Variants in PRRG4 observed in about 807,000 individuals in gnomAD.
PRRG4 encodes the protein transmembrane gamma-carboxyglutamic acid protein 4.
PRRG4 carries 12 observed loss-of-function variants against 20.0 expected under a neutral mutation model. The observed-to-expected ratio is 0.60, with a 90% CI of 0.38 to 0.97. The LOEUF is 0.97. Among genes scored for constraint, PRRG4 ranks in the 50% least tolerant of loss-of-function variants. The probability of loss-of-function intolerance (pLI) is 0.00; values close to 1 mark genes in which losing one functional copy is unlikely to be tolerated. For synonymous variants in PRRG4, 94 were observed against 96.4 expected, an observed-to-expected ratio of 0.98 and a Z score of 0.15; for missense variants, 199 against 265.1, an observed-to-expected ratio of 0.75 and a Z score of 1.73.
chr11:32,848,201 A>G (rs975515403), intron 5 of PRRG4, among the ~76,000 whole-genome samples: 3 of 152,166 alleles, frequency 2.0e-5, no homozygotes, highest in Admixed American at 1.3e-4. Flanking sequence ...GGGGAGGAAC[A>G]TTATTCCTCA....
At chr11:32,839,628 C>G (rs1851056275) in intron 4 of PRRG4, among the ~76,000 whole-genome samples, 1 of 144,772 alleles carries the variant, frequency 6.9e-6, no homozygotes, top group African/African-American at 2.5e-5. Flanking sequence ...ATTTAAATAA[C>G]AAAATATTTT....
intron 5 of PRRG4, among the ~76,000 whole-genome samples, chr11:32,841,063 A>G (rs1464526048): frequency 2.1e-5 from 3 of 144,606 alleles, no homozygotes; most frequent in South Asian, 4.3e-4. Context: ...CGTAGAAACA[A>G]TCTTATTAAA....
rs1850946836 is a variant in PRRG4 at position 32,829,979 on chromosome 11, C to T, written c.-217C>T. 6 of 984,666 alleles carry T rather than the reference C, an allele frequency of 6.1e-6. No individual in the cohort carries two copies. The highest frequency in any genetic ancestry group is 7.2e-6 in the Non-Finnish European group (6 of 829,536). The allele number at this position is 984,666 out of a possible 1,614,324, so 61.0% of individuals were successfully genotyped here. The stretch of plus-strand genomic sequence containing the variant: ...GCAGGACCTCACCCCGCGCGTGTTC[C>T]CCGGGCGCCCCTCTGCGAACCCCAG... On this transcript the variant is annotated 5_prime_UTR_variant, in exon 1 of 6. Coordinates refer to ENST00000257836, the MANE Select transcript of PRRG4 (RefSeq NM_024081.6).
Position 32,840,014 on chromosome 11 carries a change from A to C in PRRG4, c.317-93A>C, listed in dbSNP as rs983285100. 5.5e-6 allele frequency: 5 copies of C among 913,240 alleles called. No individual in the cohort carries two copies. In the East Asian group the frequency reaches 1.3e-4, roughly 23 times the overall value. The allele number at this position is 913,240 out of a possible 1,614,324, so 56.6% of individuals were successfully genotyped here. A position where few individuals can be genotyped will look rare whatever the true frequency, so the allele number is the denominator to read the frequency against. The stretch of plus-strand genomic sequence containing the variant: ...GTCAACATCAATGATTAGATGCTGT[A>C]TAATGTGTTTAGAACCAGGATTAAA... On this transcript the variant is annotated intron_variant, in intron 4 of 5. Coordinates refer to ENST00000257836, the MANE Select transcript of PRRG4 (RefSeq NM_024081.6). The surrounding 1 kb of genome is among the most constrained non-coding windows in gnomAD (Gnocchi z 4.1).
chr11:32,839,706 T>A (rs927266807), intron 4 of PRRG4, among the ~76,000 whole-genome samples: 1 of 144,894 alleles, frequency 6.9e-6, no homozygotes, highest in Non-Finnish European at 1.5e-5. Context: ...ATTTTGAATA[T>A]TATTAAAATA....
intron 2 of PRRG4, among the ~76,000 whole-genome samples, chr11:32,833,879 G>C (rs1279228137): frequency 2.0e-5 from 3 of 151,654 alleles, no homozygotes; most frequent in Non-Finnish European, 2.9e-5. Context: ...GCAGAGTGTG[G>C]ACAGGGAGTG....
chr11:32,838,802 C>T, intron 3 of PRRG4, 80 bp from the exon 4 acceptor site: 2 of 1,010,234 alleles, frequency 2.0e-6, no homozygotes, highest in East Asian at 4.8e-5. Context: ...GTTTACTACC[C>T]CTAGTCTAGG....
At position 32,847,663 on chromosome 11, in the gene PRRG4, T is replaced by C. The variant is rs374471162; in HGVS notation, c.450-5633T>C. Among the ~76,000 whole-genome samples the C allele has an allele frequency of 2.6e-5, 4 of 152,258 alleles. No individual in the cohort carries two copies. The South Asian group carries it at 6.2e-4, about 24-fold the overall frequency. ...ACTTCTAGATTTGTATCCAAAAGCA[T>C]TGAAAACAGGAACTCAAACAGATAC... On this transcript the variant is annotated intron_variant, in intron 5 of 5. Coordinates refer to ENST00000257836, the MANE Select transcript of PRRG4 (RefSeq NM_024081.6).
intron 5 of PRRG4, among the ~76,000 whole-genome samples, chr11:32,852,897 C>T (rs1025112935): frequency 6.6e-6 from 1 of 151,204 alleles, no homozygotes; most frequent in Admixed American, 6.6e-5. Context: ...CTTAGCCTCC[C>T]GAGTAGCTGA....
At position 32,837,522 on chromosome 11, in the gene PRRG4, TGATG is replaced by T. The variant is rs1565113746; in HGVS notation, c.267+702_267+705del. 5.0e-4 allele frequency among the ~76,000 whole-genome samples: 54 copies of T among 108,626 alleles called. 2 individuals carry two copies. Among genetic ancestry groups the T allele is most frequent in the African/African-American group, 1.9e-3 (52 of 27,706 alleles). 71.3% of individuals were successfully genotyped at this position (108,626 alleles called of 152,430 possible). On this transcript the variant is annotated intron_variant, in intron 3 of 5. Transcript: ENST00000257836. ...TAACTAACTGAGATGATGATGATGATGATGATGATGATGATGATGATTATTATTA... is the reference window on the plus strand; with the variant it reads ...TAACTAACTGAGATGATGATGATGATATGATGATGATGATGATTATTATTA...
intron 5 of PRRG4, among the ~76,000 whole-genome samples, chr11:32,852,391 G>A (rs1851190669): frequency 6.6e-6 from 1 of 152,194 alleles, no homozygotes; most frequent in Non-Finnish European, 1.5e-5. Context: ...GTACTGCTTA[G>A]GAAGGATTGG....
chr11:32,844,015 G>A (rs1438767549), intron 5 of PRRG4, among the ~76,000 whole-genome samples: 2 of 152,136 alleles, frequency 1.3e-5, no homozygotes, highest in Non-Finnish European at 2.9e-5. Flanking sequence ...AATATAGTAA[G>A]ATGTGATTCC....
chr11:32,849,525 G>A (rs1253995095), intron 5 of PRRG4, among the ~76,000 whole-genome samples: 4 of 151,526 alleles, frequency 2.6e-5, no homozygotes, highest in South Asian at 2.1e-4. Context: ...TTAGCCAGGC[G>A]TGGTGGTGCG....
intron 5 of PRRG4, among the ~76,000 whole-genome samples, chr11:32,848,753 C>A (rs1016962648): frequency 6.6e-6 from 1 of 151,794 alleles, no homozygotes; most frequent in Non-Finnish European, 1.5e-5. Flanking sequence ...AGGCAGATCA[C>A]CTGAGGTCAG....
At chr11:32,836,247 GAACAAA>G (rs1851018661) in intron 2 of PRRG4, among the ~76,000 whole-genome samples, 1 of 152,058 alleles carries the variant, frequency 6.6e-6, no homozygotes, top group East Asian at 1.9e-4. Flanking sequence ...AGCTAAATCA[GAACAAA>G]AAGCTGTCTT....
intron 2 of PRRG4, among the ~76,000 whole-genome samples, chr11:32,835,189 T>C (rs1851009779): frequency 1.3e-5 from 2 of 152,324 alleles, no homozygotes; most frequent in South Asian, 2.1e-4. Context: ...CATTCAGACC[T>C]GTTTGGAAAG....
chr11:32,837,532 GATGATGATGATT>G (rs1326398511), intron 3 of PRRG4, among the ~76,000 whole-genome samples: 479 of 111,416 alleles, frequency 4.3e-3, no homozygotes, highest in Middle Eastern at 8.5e-3. Context: ...TGATGATGAT[GATGATGATGATT>G]ATTATTATTA....
Position 32,830,118 on chromosome 11 carries a change from G to A in PRRG4, c.-78G>A. 2.0e-6 allele frequency: 2 copies of A among 995,304 alleles called. No individual in the cohort carries two copies. The highest frequency in any genetic ancestry group is 2.4e-6 in the Non-Finnish European group (2 of 836,918). The allele number at this position is 995,304 out of a possible 1,614,324, so 61.7% of individuals were successfully genotyped here. On this transcript the variant is annotated 5_prime_UTR_variant, in exon 1 of 6. Coordinates refer to ENST00000257836, the MANE Select transcript of PRRG4 (RefSeq NM_024081.6). ...CGAGGGCCTGGCGGCCGAAGGAACC[G>A]CCCCAAGAAGAGCCTCTGGCCCGGG...
intron 4 of PRRG4, among the ~76,000 whole-genome samples, chr11:32,839,627 AC>A (rs1851056305): frequency 6.8e-6 from 1 of 147,696 alleles, no homozygotes; most frequent in African/African-American, 2.5e-5. Flanking sequence ...AATTTAAATA[AC>A]AAAATATTTT....
Sources: gnomAD v4.1 joint callset for allele counts (sites outside exome capture counted in the v4.1 genomes callset) on GRCh38, gnomAD v4.1.1 for gene constraint, Gnocchi (gnomAD v3.1) non-coding constraint, MANE v1.5 for transcripts, NCBI Gene and HGNC (gene_info 2026-07-23, HGNC 2026-07-21) for gene names.